ETS1: variants seen among roughly 807,000 people sequenced by gnomAD.
ETS1 encodes ETS proto-oncogene 1, transcription factor.
ETS1 carries 15 observed loss-of-function variants against 58.6 expected under a neutral mutation model. That is an observed-to-expected ratio of 0.26 (90% CI 0.17 to 0.39). ETS1 has a LOEUF of 0.39. Among genes scored for constraint, ETS1 ranks in the 10% least tolerant of loss-of-function variants. The pLI, the probability that ETS1 is intolerant of heterozygous loss-of-function variation, is 1.00. For missense variants in ETS1, 417 were observed against 610.5 expected, an observed-to-expected ratio of 0.68 and a Z score of 3.34; for synonymous variants, 214 against 218.2, an observed-to-expected ratio of 0.98 and a Z score of 0.17.
chr11:128,482,828 T>C (rs1284724598), intron 7 of ETS1, among the ~76,000 whole-genome samples: 1 of 152,136 alleles, frequency 6.6e-6, no homozygotes, highest in Non-Finnish European at 1.5e-5. Context: ...CAAAGCTATC[T>C]GAGTCCACCA....
At chr11:128,500,630 C>G (rs747941865) in intron 3 of ETS1, among the ~76,000 whole-genome samples, 1 of 152,168 alleles carries the variant, frequency 6.6e-6, no homozygotes, top group Non-Finnish European at 1.5e-5. Context: ...AAGGAAAAAG[C>G]ATACTCATAC....
At chr11:128,545,478 C>T (rs1432746056) in intron 3 of ETS1, among the ~76,000 whole-genome samples, 1 of 152,178 alleles carries the variant, frequency 6.6e-6, no homozygotes, top group Non-Finnish European at 1.5e-5. Context: ...AAGTTGACCT[C>T]TCTGAGTCTT....
At chr11:128,526,183 AGGGGAGGACTT>A (rs1400460947) in intron 3 of ETS1, 2 of 152,002 alleles carry the variant, frequency 1.3e-5, no homozygotes, top group Non-Finnish European at 2.9e-5. Context: ...GTTGGGGGAG[AGGGGAGGACTT>A]GGGAGCCTGT....
rs1158037313 is a variant in ETS1 at position 128,507,971 on chromosome 11, C to CA, written c.215-17396dup. Among the ~76,000 whole-genome samples the CA allele has an allele frequency of 2.0e-5, 3 of 152,146 alleles. No individual in the cohort carries two copies. The East Asian group carries it at 5.8e-4, about 29-fold the overall frequency. ...TTTTAAATCCTGATAACATCAATTC[C>CA]AAAAAACTGCCTTGTTGAAGTGGCA... On this transcript the variant is annotated intron_variant, in intron 3 of 9. Transcript: ENST00000392668.
At chr11:128,560,410 G>A (rs1864386714) in intron 2 of ETS1, among the ~76,000 whole-genome samples, 1 of 152,216 alleles carries the variant, frequency 6.6e-6, no homozygotes, top group African/African-American at 2.4e-5. Flanking sequence ...ACCGCGCCCG[G>A]CCGAGATGGT....
At chr11:128,469,351 C>T (rs1862123398) in intron 8 of ETS1, among the ~76,000 whole-genome samples, 2 of 152,220 alleles carry the variant, frequency 1.3e-5, no homozygotes, top group Non-Finnish European at 2.9e-5. Context: ...AGGAACAGGC[C>T]TGCTGGCCCC....
At chr11:128,494,524 T>C (rs1012356053) in intron 3 of ETS1, among the ~76,000 whole-genome samples, 1 of 152,220 alleles carries the variant, frequency 6.6e-6, no homozygotes, top group Admixed American at 6.5e-5. Flanking sequence ...CATTGTGGCC[T>C]AACCCTGAAC....
Position 128,587,509 on chromosome 11 carries a change from G to C in ETS1, c.-36C>G, listed in dbSNP as rs1865053939. 6.6e-6 allele frequency: 1 copy of C among 152,352 alleles called. No individual in the cohort carries two copies. The highest frequency in any genetic ancestry group is 2.1e-4 in the South Asian group (1 of 4,832). 9.4% of individuals were successfully genotyped at this position (152,352 alleles called of 1,614,324 possible). A position where few individuals can be genotyped will look rare whatever the true frequency, so the allele number is the denominator to read the frequency against. ...ACACCTCACTTACTACTTTGCCGGA[G>C]AGCAGATCCTGAGTGAGCTTCCCTC... On this transcript the variant is annotated 5_prime_UTR_variant, in exon 1 of 10. Transcript: ENST00000392668.
At chr11:128,532,714 A>G (rs1232100965) in intron 3 of ETS1, among the ~76,000 whole-genome samples, 2 of 151,954 alleles carry the variant, frequency 1.3e-5, no homozygotes, top group Non-Finnish European at 2.9e-5. Flanking sequence ...TGCATACACA[A>G]TACTGTTCTT....
At chr11:128,462,688 CA>C (rs1444082610) in intron 9 of ETS1, 112 bp from the exon 10 acceptor site, 2 of 752,928 alleles carry the variant, frequency 2.7e-6, no homozygotes, top group East Asian at 5.2e-5. Flanking sequence ...CCATGATGCT[CA>C]AGTAAGATGA....
In ETS1 at chr11:128,460,154, T is replaced by G. The variant is rs1424668001; in HGVS notation, c.*2207A>C. On this transcript the variant is annotated 3_prime_UTR_variant, in exon 10 of 10. Transcript: ENST00000392668. ...ATGCACACATTCACACACACACCTT[T>G]TGCCAGTGCCCAACAAAAATCACAT... 6.6e-6 allele frequency: 1 copy of G among 152,580 alleles called. No individual in the cohort carries two copies. Among genetic ancestry groups the G allele is most frequent in the African/African-American group, 2.4e-5 (1 of 41,336 alleles). 9.5% of individuals were successfully genotyped at this position (152,580 alleles called of 1,614,324 possible). A position where few individuals can be genotyped will look rare whatever the true frequency, so the allele number is the denominator to read the frequency against.
chr11:128,485,730 A>G (rs1476759223), intron 6 of ETS1, among the ~76,000 whole-genome samples: 3 of 152,208 alleles, frequency 2.0e-5, no homozygotes, highest in Admixed American at 2.0e-4. Flanking sequence ...ACCAAGATCA[A>G]ATCCCTAACC....
intron 3 of ETS1, among the ~76,000 whole-genome samples, chr11:128,541,934 C>T (rs779217023): frequency 9.9e-5 from 15 of 152,140 alleles, no homozygotes; most frequent in East Asian, 3.8e-4. Context: ...GGGCTCCACA[C>T]GAGAACAATG....
In ETS1 at chr11:128,577,059, C is replaced by T. The variant is rs1321678900; in HGVS notation, c.-14-3915G>A. On this transcript the variant is annotated intron_variant, in intron 1 of 9. Transcript: ENST00000392668. ...AAATTCTCATCTACTTGAAGGCAGGCACCATGCCTTTTTCATTTTTGTCTT... is the reference window on the plus strand; with the variant it reads ...AAATTCTCATCTACTTGAAGGCAGGTACCATGCCTTTTTCATTTTTGTCTT... 5.7e-4 allele frequency among the ~76,000 whole-genome samples: 87 copies of T among 152,330 alleles called. 1 individual carries two copies. The highest frequency in any genetic ancestry group is 5.7e-3 in the Admixed American group (87 of 15,302).
chr11:128,587,122 T>C (rs557083071), intron 1 of ETS1, among the ~76,000 whole-genome samples: 54 of 150,068 alleles, frequency 3.6e-4, no homozygotes, highest in African/African-American at 1.3e-3. Context: ...TAAAAAGAAA[T>C]TTATATATTT....
intron 3 of ETS1, among the ~76,000 whole-genome samples, chr11:128,513,888 C>CA (rs1366836950): frequency 6.6e-6 from 1 of 151,896 alleles, no homozygotes; most frequent in African/African-American, 2.4e-5. Flanking sequence ...CTCATTTCTA[C>CA]AAAAAAGAAA....
chr11:128,564,521 A>G (rs983170441), intron 2 of ETS1, among the ~76,000 whole-genome samples: 9 of 152,048 alleles, frequency 5.9e-5, no homozygotes, highest in African/African-American at 1.9e-4. Flanking sequence ...TGCAGCCAAC[A>G]CCAACACTAC....
intron 1 of ETS1, among the ~76,000 whole-genome samples, chr11:128,576,145 G>C (rs987177367): frequency 6.6e-6 from 1 of 152,222 alleles, no homozygotes; most frequent in African/African-American, 2.4e-5. Flanking sequence ...AAACTGACAA[G>C]AGGGAGTTGC....
At chr11:128,501,585 T>G (rs1863090471) in intron 3 of ETS1, among the ~76,000 whole-genome samples, 1 of 152,252 alleles carries the variant, frequency 6.6e-6, no homozygotes, top group Non-Finnish European at 1.5e-5. Flanking sequence ...GCACTAAGTG[T>G]GCTTTCTGTG....
Sources: gnomAD v4.1 joint callset for allele counts (sites outside exome capture counted in the v4.1 genomes callset) on GRCh38, gnomAD v4.1.1 for gene constraint, MANE v1.5 for transcripts, NCBI Gene and HGNC (gene_info 2026-07-23, HGNC 2026-07-21) for gene names.